CSGALNACT1: variants seen among roughly 807,000 people sequenced by gnomAD.
CSGALNACT1 encodes the protein beta4GalNAcT-1.
A neutral mutation model predicts 51.0 loss-of-function variants in CSGALNACT1; 52 were observed. The observed-to-expected ratio is 1.02, with a 90% confidence interval of 0.82 to 1.29. CSGALNACT1 has a LOEUF of 1.29. CSGALNACT1 is among the 50% of genes most tolerant of loss of function. The probability of loss-of-function intolerance (pLI) is 0.00; values close to 1 mark genes in which losing one functional copy is unlikely to be tolerated. For missense variants in CSGALNACT1, 935 were observed against 679.2 expected (o/e 1.38, Z -4.19); for synonymous variants, 341 against 254.4 (o/e 1.34, Z -3.24).
In CSGALNACT1 at chr8:19,626,172, A is replaced by G. The variant is rs552440769; in HGVS notation, c.-543-24307T>C. Among the ~76,000 whole-genome samples, 316 of 152,366 alleles carry G rather than the reference A, an allele frequency of 2.1e-3. 3 individuals are homozygous for G. Among genetic ancestry groups the G allele is most frequent in the African/African-American group, 7.4e-3 (306 of 41,598 alleles). On this transcript the variant is annotated intron_variant, in intron 1 of 9. Transcript: ENST00000332246. ...ATCACAATACCCAGTTTTAAGACTT[A>G]CTGTGTAACTATAGTAATCAACACA...
At chr8:19,690,565 T>C (rs2061248852) in intron 1 of CSGALNACT1, among the ~76,000 whole-genome samples, 1 of 152,274 alleles carries the variant, frequency 6.6e-6, no homozygotes, top group Non-Finnish European at 1.5e-5. Context: ...AACAGATTTT[T>C]TTCCTCTATA....
intron 9 of CSGALNACT1, among the ~76,000 whole-genome samples, chr8:19,407,432 G>C (rs12546845): frequency 0.2 from 29,816 of 152,036 alleles, 3,123 homozygotes; most frequent in Middle Eastern, 0.26. Context: ...TGACTCCATC[G>C]CAGCTGAGCC....
intron 1 of CSGALNACT1, among the ~76,000 whole-genome samples, chr8:19,671,164 G>C (rs1161431189): frequency 2.0e-5 from 3 of 152,136 alleles, no homozygotes; most frequent in African/African-American, 7.2e-5. Flanking sequence ...AGCCAGGGTG[G>C]AATGGGGAAT....
At chr8:19,431,199 G>A (rs745682115) in intron 6 of CSGALNACT1, among the ~76,000 whole-genome samples, 1 of 152,026 alleles carries the variant, frequency 6.6e-6, no homozygotes, top group African/African-American at 2.4e-5. Context: ...AGAACACCCA[G>A]TACAATATTG....
chr8:19,511,471 G>A (rs1269250870), intron 3 of CSGALNACT1, among the ~76,000 whole-genome samples: 1 of 152,216 alleles, frequency 6.6e-6, no homozygotes, highest in Non-Finnish European at 1.5e-5. Context: ...GAGGTGTGTG[G>A]AAAGGATTCT....
intron 3 of CSGALNACT1, among the ~76,000 whole-genome samples, chr8:19,560,442 A>T (rs963915385): frequency 6.6e-6 from 1 of 152,234 alleles, no homozygotes; most frequent in Non-Finnish European, 1.5e-5. Flanking sequence ...CCATAAAGAG[A>T]GTTAAAAGAC....
intron 3 of CSGALNACT1, among the ~76,000 whole-genome samples, chr8:19,571,929 A>G (rs896870945): frequency 6.6e-6 from 1 of 152,238 alleles, no homozygotes; most frequent in Non-Finnish European, 1.5e-5. Flanking sequence ...ATTTCCAATT[A>G]TTTGGATTAA....
At chr8:19,672,975 T>A (rs2059908771) in intron 1 of CSGALNACT1, among the ~76,000 whole-genome samples, 1 of 152,220 alleles carries the variant, frequency 6.6e-6, no homozygotes, top group South Asian at 2.1e-4. Context: ...TCTCACTGCT[T>A]CTAGAAGTCT....
At chr8:19,430,695 C>T (rs1015774261) in intron 6 of CSGALNACT1, among the ~76,000 whole-genome samples, 8 of 152,092 alleles carry the variant, frequency 5.3e-5, no homozygotes, top group African/African-American at 1.2e-4. Context: ...TGCATTTCCA[C>T]GTGAGTTTTA....
chr8:19,667,275 A>T (rs1349567981), intron 1 of CSGALNACT1, among the ~76,000 whole-genome samples: 3 of 151,378 alleles, frequency 2.0e-5, no homozygotes, highest in Admixed American at 6.6e-5. Flanking sequence ...AAAAAAAAAA[A>T]AATACAAAAA....
intron 1 of CSGALNACT1, among the ~76,000 whole-genome samples, chr8:19,644,009 A>G (rs934972218): frequency 4.6e-5 from 7 of 152,254 alleles, no homozygotes; most frequent in Non-Finnish European, 1.5e-5. Context: ...TGTACATAGG[A>G]GCATTGTTCA....
intron 6 of CSGALNACT1, among the ~76,000 whole-genome samples, chr8:19,422,467 GAT>G (rs2058098733): frequency 6.6e-6 from 1 of 152,184 alleles, no homozygotes; most frequent in Non-Finnish European, 1.5e-5. Flanking sequence ...ACAGGCATGA[GAT>G]ACCACACCTG....
intron 4 of CSGALNACT1, among the ~76,000 whole-genome samples, chr8:19,481,876 T>C (rs1326866721): frequency 6.6e-6 from 1 of 152,216 alleles, no homozygotes; most frequent in East Asian, 1.9e-4. Context: ...AAAACAGTAT[T>C]TTCTCAACTG....
intron 1 of CSGALNACT1, among the ~76,000 whole-genome samples, chr8:19,675,796 C>G (rs2060132989): frequency 1.3e-5 from 2 of 152,042 alleles, no homozygotes; most frequent in Non-Finnish European, 2.9e-5. Flanking sequence ...CGCCCTAATT[C>G]TATATATGAA....
chr8:19,615,276 C>T (rs907023635), intron 1 of CSGALNACT1, among the ~76,000 whole-genome samples: 5 of 152,184 alleles, frequency 3.3e-5, no homozygotes, highest in Non-Finnish European at 7.3e-5. Flanking sequence ...GTACTCCAGC[C>T]TGGGGGACAA....
intron 1 of CSGALNACT1, among the ~76,000 whole-genome samples, chr8:19,634,927 G>A (rs1481112595): frequency 6.6e-6 from 1 of 152,160 alleles, no homozygotes; most frequent in African/African-American, 2.4e-5. Flanking sequence ...ATATAATGAT[G>A]ATAACACTTT....
intron 4 of CSGALNACT1, among the ~76,000 whole-genome samples, chr8:19,499,461 T>C (rs2076047235): frequency 6.6e-6 from 1 of 152,032 alleles, no homozygotes; most frequent in African/African-American, 2.4e-5. Flanking sequence ...CAAAAACAAA[T>C]AAATAATAAA....
At position 19,578,601 on chromosome 8, in the gene CSGALNACT1, G is replaced by A. The variant is rs560387206; in HGVS notation, c.-297+12559C>T. On this transcript the variant is annotated intron_variant, in intron 3 of 9. Transcript: ENST00000454498. The stretch of plus-strand genomic sequence containing the variant: ...TGCAGATCCTACCATCCCTGTATTC[G>A]CTATGAACTTACATTTGTGGGTGTG... Among the ~76,000 whole-genome samples, 66 of 152,126 alleles carry A rather than the reference G, an allele frequency of 4.3e-4. 1 individual carries two copies. Among genetic ancestry groups the A allele is most frequent in the Admixed American group, 9.2e-4 (14 of 15,278 alleles).
intron 5 of CSGALNACT1, among the ~76,000 whole-genome samples, chr8:19,448,878 T>A (rs2062602080): frequency 6.6e-6 from 1 of 152,142 alleles, no homozygotes; most frequent in South Asian, 2.1e-4. Flanking sequence ...TAGTCTTCTG[T>A]GGTTACAAGA....
Sources: gnomAD v4.1 joint callset for allele counts (sites outside exome capture counted in the v4.1 genomes callset) on GRCh38, gnomAD v4.1.1 for gene constraint, MANE v1.5 for transcripts, NCBI Gene and HGNC (gene_info 2026-07-23, HGNC 2026-07-21) for gene names.